ARK2N: variants seen among roughly 807,000 people sequenced by gnomAD.
The protein encoded by ARK2N is arkadia (RNF111) N-terminal like PKA signaling regulator 2N.
chr18:46,201,434 T>C, the ARK2N span, among the ~76,000 whole-genome samples: 36 of 152,138 alleles, frequency 2.4e-4, no homozygotes, highest in South Asian at 6.6e-3. Flanking sequence ...CATTTTGGAC[T>C]TTTTTTTGTC....
the ARK2N span, among the ~76,000 whole-genome samples, chr18:46,191,437 C>A: frequency 6.6e-6 from 1 of 151,992 alleles, no homozygotes; most frequent in Non-Finnish European, 1.5e-5. Flanking sequence ...ATGCCTCAAC[C>A]TCCCAAGGTG....
the ARK2N span, among the ~76,000 whole-genome samples, chr18:46,243,859 G>T: frequency 6.6e-6 from 1 of 152,124 alleles, no homozygotes; most frequent in Non-Finnish European, 1.5e-5. Flanking sequence ...TGTTTACTAC[G>T]GAGGACAGCA....
chr18:46,209,825 A>G, the ARK2N span, among the ~76,000 whole-genome samples: 1 of 151,998 alleles, frequency 6.6e-6, no homozygotes, highest in South Asian at 2.1e-4. Context: ...TGAACCCCTG[A>G]CCTCGTGATC....
At chr18:46,203,117 T>C in the ARK2N span, among the ~76,000 whole-genome samples, 1 of 152,212 alleles carries the variant, frequency 6.6e-6, no homozygotes, top group Non-Finnish European at 1.5e-5. Context: ...TGACTTAATC[T>C]AGGAGTTGTA....
At chr18:46,201,974 C>T in the ARK2N span, among the ~76,000 whole-genome samples, 10 of 151,864 alleles carry the variant, frequency 6.6e-5, no homozygotes, top group Non-Finnish European at 1.3e-4. Context: ...GATGGGGTTT[C>T]GCCATGTTGG....
At chr18:46,239,036 A>G in the ARK2N span, among the ~76,000 whole-genome samples, 1 of 152,148 alleles carries the variant, frequency 6.6e-6, no homozygotes, top group Non-Finnish European at 1.5e-5. Context: ...GGGGTAGTAG[A>G]GGGATTTCTT....
the ARK2N span, among the ~76,000 whole-genome samples, chr18:46,178,975 C>T: frequency 8.6e-5 from 13 of 151,862 alleles, no homozygotes; most frequent in Admixed American, 5.9e-4. Flanking sequence ...TGGAGTTTTG[C>T]CCTTTCACCC....
At chr18:46,183,484 G>A in the ARK2N span, among the ~76,000 whole-genome samples, 1 of 152,178 alleles carries the variant, frequency 6.6e-6, no homozygotes, top group East Asian at 1.9e-4. Flanking sequence ...TCCCTGTGAT[G>A]TTAGTAGCTG....
the ARK2N span, among the ~76,000 whole-genome samples, chr18:46,257,804 C>T: frequency 6.6e-6 from 1 of 152,080 alleles, no homozygotes; most frequent in East Asian, 1.9e-4. Context: ...GGTACCTGTT[C>T]TGAGGACCTC....
the ARK2N span, among the ~76,000 whole-genome samples, chr18:46,259,885 C>CTGTGTGTGTGTGTGTGTGGGTGTGTGTG: frequency 1.2e-5 from 1 of 81,594 alleles, no homozygotes; most frequent in Non-Finnish European, 2.5e-5. Flanking sequence ...ATCCTCCCGT[C>CTGTGTGTGTGTGTGTGTGGGTGTGTGTG]TGTGTGTGTG....
the ARK2N span, among the ~76,000 whole-genome samples, chr18:46,178,162 G>C: frequency 6.6e-6 from 1 of 152,138 alleles, no homozygotes. Context: ...AGTGCCTTGA[G>C]TTTTCAAAAG....
chr18:46,229,996 G>C, the ARK2N span, among the ~76,000 whole-genome samples: 1 of 152,108 alleles, frequency 6.6e-6, no homozygotes, highest in East Asian at 1.9e-4. Context: ...GCACGATCTT[G>C]GCTCACTGAA....
chr18:46,250,491 T>TACACACACACACACACACACTC, the ARK2N span, among the ~76,000 whole-genome samples: 1 of 129,676 alleles, frequency 7.7e-6, no homozygotes, highest in Non-Finnish European at 1.6e-5. Context: ...CCTCCATTCG[T>TACACACACACACACACACACTC]ACACACACAC....
the ARK2N span, among the ~76,000 whole-genome samples, chr18:46,244,552 G>A: frequency 1.4e-5 from 2 of 145,546 alleles, no homozygotes; most frequent in Non-Finnish European, 3.0e-5. Flanking sequence ...GATGAAGTAT[G>A]GTCATGTTCT....
chr18:46,233,461 C>T, the ARK2N span, among the ~76,000 whole-genome samples: 1 of 152,118 alleles, frequency 6.6e-6, no homozygotes, highest in Non-Finnish European at 1.5e-5. Flanking sequence ...CTTCAGGTGC[C>T]TCATTTCTGT....
the ARK2N span, among the ~76,000 whole-genome samples, chr18:46,259,883 G>A: frequency 1.8e-5 from 2 of 110,338 alleles, no homozygotes; most frequent in Non-Finnish European, 4.1e-5. Flanking sequence ...TGATCCTCCC[G>A]TCTGTGTGTG....
At chr18:46,218,422 C>A in the ARK2N span, 3 of 152,018 alleles carry the variant, frequency 2.0e-5, no homozygotes, top group Non-Finnish European at 2.9e-5. Flanking sequence ...CTAAGGTAAT[C>A]CTGGAGAATC....
At chr18:46,195,199 T>C in the ARK2N span, among the ~76,000 whole-genome samples, 1 of 151,914 alleles carries the variant, frequency 6.6e-6, no homozygotes. Context: ...ATTATCCACA[T>C]TTTGCCATTT....
chr18:46,198,099 C>A, the ARK2N span, among the ~76,000 whole-genome samples: 3 of 151,986 alleles, frequency 2.0e-5, no homozygotes, highest in South Asian at 6.2e-4. Flanking sequence ...GTCGGGAGTT[C>A]AAAACCGGCC....
Sources: gnomAD v4.1 joint callset for allele counts (sites outside exome capture counted in the v4.1 genomes callset) on GRCh38, gnomAD v4.1.1 for gene constraint, MANE v1.5 for transcripts, NCBI Gene and HGNC (gene_info 2026-07-23, HGNC 2026-07-21) for gene names.